ZZZ3: variants seen among roughly 807,000 people sequenced by gnomAD.
ZZZ3 encodes zinc finger ZZ-type containing 3.
In ZZZ3, 22 loss-of-function variants were observed where a neutral mutation model predicts 95.2. That is an observed-to-expected ratio of 0.23 (90% CI 0.17 to 0.33). The LOEUF is 0.33. Among genes scored for constraint, ZZZ3 ranks in the 10% least tolerant of loss-of-function variants. The pLI is 1.00. For missense variants in ZZZ3, 885 were observed against 1,066.5 expected, an observed-to-expected ratio of 0.83 and a Z score of 2.37; for synonymous variants, 335 against 358.9, an observed-to-expected ratio of 0.93 and a Z score of 0.75.
In ZZZ3 at chr1:77,563,172, A is replaced by C. The variant is rs115793117; in HGVS notation, c.*2468T>G. 139 of 152,308 alleles carry C rather than the reference A, an allele frequency of 9.1e-4. 1 individual carries two copies. The highest frequency in any genetic ancestry group is 3.2e-3 in the African/African-American group (133 of 41,542). The allele number at this position is 152,308 out of a possible 1,614,324, so 9.4% of individuals were successfully genotyped here. ...AAAAGTTTCTTAAGATGTGCAAATA[A>C]CTTGAGCACAATATATCAGGAAATA... On this transcript the variant is annotated 3_prime_UTR_variant, in exon 15 of 15. Coordinates refer to ENST00000370801, the MANE Select transcript of ZZZ3 (RefSeq NM_015534.6).
At chr1:77,572,302 GT>G (rs1170872877) in intron 12 of ZZZ3, among the ~76,000 whole-genome samples, 1 of 152,070 alleles carries the variant, frequency 6.6e-6, no homozygotes, top group African/African-American at 2.4e-5. Flanking sequence ...TTTGGGTTTT[GT>G]TTTTTGTGGG....
chr1:77,650,509 C>T (rs1328992681), intron 1 of ZZZ3, among the ~76,000 whole-genome samples: 1 of 151,548 alleles, frequency 6.6e-6, no homozygotes, highest in Admixed American at 6.6e-5. Context: ...TTCTAAATGA[C>T]CCATAAGTCA....
chr1:77,577,016 G>C (rs559112650), intron 11 of ZZZ3, among the ~76,000 whole-genome samples: 1 of 152,210 alleles, frequency 6.6e-6, no homozygotes, highest in East Asian at 1.9e-4. Flanking sequence ...GTTGCAGCTA[G>C]ATAGTGGTAG....
intron 5 of ZZZ3, among the ~76,000 whole-genome samples, chr1:77,622,033 G>A (rs1323892630): frequency 2.6e-5 from 4 of 151,292 alleles, no homozygotes; most frequent in East Asian, 1.9e-4. Flanking sequence ...CTGAAGGGTC[G>A]GGTGTGCTGG....
Position 77,579,613 on chromosome 1 carries a change from G to C in ZZZ3, c.1996C>G (p.Leu666Val). Residue 666 changes from leucine to valine, a missense_variant, in exon 10 of 15, where the codon CTA (leucine) becomes GTA (valine). Around this residue, in one of 5 missense-constraint regions of ZZZ3, gnomAD observed 99 missense variants for 119.8 expected, o/e 0.83. Coordinates refer to ENST00000370801, the MANE Select transcript of ZZZ3 (RefSeq NM_015534.6). ...TVEEQKKLEQLLIKYPPEEVE... is the reference protein window; with the variant it reads ...TVEEQKKLEQVLIKYPPEEVE... ...TCTTCAGGAGGGTATTTGATGAGTA[G>C]CTGTTCCAGCTTTTTCTAAGCCATA... 1 of 1,575,762 alleles carries C rather than the reference G, an allele frequency of 6.3e-7. No individual in the cohort carries two copies. Among genetic ancestry groups the C allele is most frequent in the Non-Finnish European group, 8.6e-7 (1 of 1,165,502 alleles).
chr1:77,640,524 TGGG>T lies in ZZZ3; in HGVS notation c.-206+857_-206+859del, dbSNP rs1239684802. Among the ~76,000 whole-genome samples, 4 of 149,008 alleles carry T rather than the reference TGGG, an allele frequency of 2.7e-5. No homozygotes were observed. In the East Asian group the frequency reaches 7.9e-4, roughly 29 times the overall value. ...CTGAGGCAGGAGAATCGCTTGAACC[TGGG>T]AGGCAGAGGTTGCAGTGAGCCAAGA... On this transcript the variant is annotated intron_variant, in intron 3 of 14. Coordinates refer to ENST00000370801, the MANE Select transcript of ZZZ3 (RefSeq NM_015534.6).
chr1:77,625,294 G>A (rs961582836), intron 5 of ZZZ3, among the ~76,000 whole-genome samples: 8 of 151,990 alleles, frequency 5.3e-5, no homozygotes, highest in Non-Finnish European at 7.4e-5. Context: ...CCCCTAAACC[G>A]GAAAGCATAC....
At chr1:77,566,256 C>T in intron 13 of ZZZ3, 75 bp from the exon 14 acceptor site, 1 of 987,738 alleles carries the variant, frequency 1.0e-6, no homozygotes, top group Non-Finnish European at 1.5e-6. Context: ...CAAGGAAACA[C>T]ATGATGTGCA....
At chr1:77,583,145 T>G (rs1329873598) in intron 6 of ZZZ3, among the ~76,000 whole-genome samples, 1 of 151,940 alleles carries the variant, frequency 6.6e-6, no homozygotes, top group Non-Finnish European at 1.5e-5. Context: ...AAGTCCGTTC[T>G]AAACTAAACC....
Position 77,565,561 on chromosome 1 carries a change from T to C in ZZZ3, c.*79A>G. On this transcript the variant is annotated 3_prime_UTR_variant, in exon 15 of 15. Coordinates refer to ENST00000370801, the MANE Select transcript of ZZZ3 (RefSeq NM_015534.6). The stretch of plus-strand genomic sequence containing the variant: ...TCATTTCTGGGAAAGCAGAGAATCT[T>C]TCCAAACTGTGCACATAATTAACAA... 2 of 1,477,868 alleles carry C rather than the reference T, an allele frequency of 1.4e-6. No homozygotes were observed. Among genetic ancestry groups the C allele is most frequent in the Non-Finnish European group, 1.8e-6 (2 of 1,082,900 alleles). The allele number at this position is 1,477,868 out of a possible 1,614,324, so 91.5% of individuals were successfully genotyped here.
intron 11 of ZZZ3, among the ~76,000 whole-genome samples, chr1:77,577,598 G>A (rs1210604707): frequency 6.6e-6 from 1 of 152,140 alleles, no homozygotes; most frequent in Non-Finnish European, 1.5e-5. Context: ...AATAGCTTCA[G>A]TATGGAAGGA....
rs748188199 is a variant in ZZZ3 at position 77,566,196 on chromosome 1, G to A, written c.2467-15C>T. 3.2e-6 allele frequency: 5 copies of A among 1,561,914 alleles called. No individual in the cohort carries two copies. In the African/African-American group the frequency reaches 6.8e-5, roughly 21 times the overall value. On this transcript the variant is annotated splice_polypyrimidine_tract_variant and intron_variant, in intron 13 of 14. Coordinates refer to ENST00000370801, the MANE Select transcript of ZZZ3 (RefSeq NM_015534.6). Reference sequence around the variant, plus strand: ...CAGTTATCACACTATAACAGATTCAGAGAGAAAATGTATTAAGTTATACTG... The same window carrying A: ...CAGTTATCACACTATAACAGATTCAAAGAGAAAATGTATTAAGTTATACTG...
Position 77,565,443 on chromosome 1 carries a change from A to T in ZZZ3, c.*197T>A. ...TTCACCAGGGAAACCTTTGCTCACC[A>T]GGAATGTTCAGCTGCTGAACAGTGA... On this transcript the variant is annotated 3_prime_UTR_variant, in exon 15 of 15. Coordinates refer to ENST00000370801, the MANE Select transcript of ZZZ3 (RefSeq NM_015534.6). 4.1e-6 allele frequency: 2 copies of T among 491,804 alleles called. No homozygotes were observed. The highest frequency in any genetic ancestry group is 8.2e-5 in the South Asian group (2 of 24,444). The allele number at this position is 491,804 out of a possible 1,614,324, so 30.5% of individuals were successfully genotyped here. A position where few individuals can be genotyped will look rare whatever the true frequency, so the allele number is the denominator to read the frequency against.
chr1:77,573,808 A>G (rs1661650391), intron 12 of ZZZ3, among the ~76,000 whole-genome samples: 1 of 152,150 alleles, frequency 6.6e-6, no homozygotes. Flanking sequence ...ACTTTTCATT[A>G]AAATATCCTT....
chr1:77,647,197 T>C (rs1669359988), intron 1 of ZZZ3, among the ~76,000 whole-genome samples: 1 of 152,146 alleles, frequency 6.6e-6, no homozygotes, highest in Admixed American at 6.6e-5. Context: ...TGGCAACACA[T>C]TATACATTAC....
intron 1 of ZZZ3, among the ~76,000 whole-genome samples, chr1:77,681,831 G>C (rs564116491): frequency 6.6e-6 from 1 of 150,954 alleles, no homozygotes; most frequent in African/African-American, 2.4e-5. Context: ...CCCGGGAGGC[G>C]GAGGTTGCAA....
At chr1:77,648,708 A>G (rs1225158365) in intron 1 of ZZZ3, among the ~76,000 whole-genome samples, 2 of 152,248 alleles carry the variant, frequency 1.3e-5, no homozygotes, top group Non-Finnish European at 2.9e-5. Flanking sequence ...GAGATATAGA[A>G]TATCATCAAG....
intron 1 of ZZZ3, among the ~76,000 whole-genome samples, chr1:77,647,434 G>A (rs895990083): frequency 4.6e-5 from 7 of 151,636 alleles, no homozygotes; most frequent in African/African-American, 7.3e-5. Flanking sequence ...CATGAGAATC[G>A]CTTAAACCCG....
chr1:77,579,676 A>C lies in ZZZ3; in HGVS notation c.1981-48T>G, dbSNP rs954331208. On this transcript the variant is annotated intron_variant, in intron 9 of 14. Transcript: ENST00000370801. ...TTTAAGAAAATATGTATTTAATTTTAAATATTGGATTTCTAAATAAATACA... is the reference window on the plus strand; with the variant it reads ...TTTAAGAAAATATGTATTTAATTTTCAATATTGGATTTCTAAATAAATACA... The C allele has an allele frequency of 2.7e-6, 3 of 1,091,888 alleles. No individual in the cohort carries two copies. In the Admixed American group the frequency reaches 7.3e-5, roughly 27 times the overall value. The allele number at this position is 1,091,888 out of a possible 1,614,324, so 67.6% of individuals were successfully genotyped here. A position where few individuals can be genotyped will look rare whatever the true frequency, so the allele number is the denominator to read the frequency against.
Sources: gnomAD v4.1 joint callset for allele counts (sites outside exome capture counted in the v4.1 genomes callset) on GRCh38, gnomAD v4.1.1 for gene constraint, gnomAD v4.1.1 regional missense constraint, MANE v1.5 for transcripts, NCBI Gene and HGNC (gene_info 2026-07-23, HGNC 2026-07-21) for gene names.